The following EIF4EBP2 variants were observed in gnomAD, a reference collection of about 807,000 sequenced individuals.
EIF4EBP2 encodes the protein eukaryotic translation initiation factor 4E-binding protein 2.
A neutral mutation model predicts 10.3 loss-of-function variants in EIF4EBP2; 5 were observed. The ratio of observed to expected loss-of-function variants is 0.48; its 90% CI spans 0.25 to 1.02. The LOEUF is 1.02. Among genes scored for constraint, EIF4EBP2 ranks in the 50% least tolerant of loss-of-function variants. The probability of loss-of-function intolerance (pLI) is 0.15; values close to 1 mark genes in which losing one functional copy is unlikely to be tolerated. For synonymous variants in EIF4EBP2, 67 were observed against 61.1 expected (o/e 1.10, Z -0.45); for missense variants, 188 against 162.2 (o/e 1.16, Z -0.86).
intron 1 of EIF4EBP2, among the ~76,000 whole-genome samples, chr10:70,416,879 C>G (rs758590972): frequency 1.3e-5 from 2 of 151,944 alleles, no homozygotes; most frequent in Non-Finnish European, 2.9e-5. Flanking sequence ...GTTGCCCAGG[C>G]TGGTCTTGAA....
In EIF4EBP2 at chr10:70,404,302, G is replaced by T. The variant is rs929609623; in HGVS notation, c.-100G>T. The T allele has an allele frequency of 1.3e-4, 181 of 1,384,380 alleles. 1 individual carries two copies. Among genetic ancestry groups the T allele is most frequent in the Middle Eastern group, 2.6e-4 (1 of 3,844 alleles). 85.8% of individuals were successfully genotyped at this position (1,384,380 alleles called of 1,614,324 possible). On this transcript the variant is annotated 5_prime_UTR_variant, in exon 1 of 3. Transcript: ENST00000373218. The stretch of plus-strand genomic sequence containing the variant: ...ACGGGAGGAAGCGAGCGAGGAGCGC[G>T]CAGAGCGCGCTTTTCCGTCCGCCTG...
intron 1 of EIF4EBP2, among the ~76,000 whole-genome samples, chr10:70,408,245 C>T (rs551450084): frequency 6.2e-5 from 9 of 145,790 alleles, no homozygotes; most frequent in East Asian, 2.0e-4. Flanking sequence ...GGCGGCTGGC[C>T]GGGCACAGGG....
At chr10:70,413,244 A>G (rs1363836354) in intron 1 of EIF4EBP2, among the ~76,000 whole-genome samples, 1 of 152,074 alleles carries the variant, frequency 6.6e-6, no homozygotes, top group Non-Finnish European at 1.5e-5. Context: ...CAACCTGTCA[A>G]CTTTAGCTCT....
rs1478400331 is a variant in EIF4EBP2 at position 70,426,086 on chromosome 10, T to A, written c.*4339T>A. The A allele has an allele frequency of 6.6e-6, 1 of 152,252 alleles. No individual in the cohort carries two copies. Among genetic ancestry groups the A allele is most frequent in the Non-Finnish European group, 1.5e-5 (1 of 68,052 alleles). 9.4% of individuals were successfully genotyped at this position (152,252 alleles called of 1,614,324 possible). A position where few individuals can be genotyped will look rare whatever the true frequency, so the allele number is the denominator to read the frequency against. Reference sequence around the variant, plus strand: ...GCCCATTTCTTCCTGGGCTTCTTGATGGCAATGTGTTCTTAAATAACTGGT... The same window carrying A: ...GCCCATTTCTTCCTGGGCTTCTTGAAGGCAATGTGTTCTTAAATAACTGGT... On this transcript the variant is annotated 3_prime_UTR_variant, in exon 3 of 3. Transcript: ENST00000373218.
chr10:70,407,576 C>A (rs1244841682), intron 1 of EIF4EBP2, among the ~76,000 whole-genome samples: 1 of 152,152 alleles, frequency 6.6e-6, no homozygotes, highest in African/African-American at 2.4e-5. Flanking sequence ...TCCCCCCTTT[C>A]TATTCCACAA....
rs1845174271 is a variant in EIF4EBP2, at chr10:70,423,050, C to A, written c.*1303C>A. ...ATTTTTCAAATTTACATCAAAGATA[C>A]CTGAAGTGTTGGTATCTGAGAATAT... is the stretch of plus-strand genomic sequence containing the variant. On this transcript the variant is annotated 3_prime_UTR_variant, in exon 3 of 3. Transcript: ENST00000373218. 6.6e-6 allele frequency: 1 copy of A among 152,484 alleles called. No individual in the cohort carries two copies. The highest frequency in any genetic ancestry group is 2.4e-5 in the African/African-American group (1 of 41,400). 9.4% of individuals were successfully genotyped at this position (152,484 alleles called of 1,614,324 possible).
chr10:70,419,018 T>G (rs922209092), intron 1 of EIF4EBP2, among the ~76,000 whole-genome samples: 1 of 152,198 alleles, frequency 6.6e-6, no homozygotes, highest in Non-Finnish European at 1.5e-5. Flanking sequence ...GGTCTCACTA[T>G]GTGGCCCAGA....
At chr10:70,406,020 C>T (rs1234917639) in intron 1 of EIF4EBP2, among the ~76,000 whole-genome samples, 3 of 152,162 alleles carry the variant, frequency 2.0e-5, no homozygotes, top group Non-Finnish European at 2.9e-5. Context: ...CTCACTCTGT[C>T]GCCCAGGCTG....
intron 1 of EIF4EBP2, among the ~76,000 whole-genome samples, chr10:70,412,637 C>T (rs1356811352): frequency 2.0e-5 from 3 of 152,130 alleles, no homozygotes; most frequent in African/African-American, 7.2e-5. Context: ...GGGCTTTATT[C>T]ATTGACCTTC....
chr10:70,406,032 A>AG (rs1233875614), intron 1 of EIF4EBP2, among the ~76,000 whole-genome samples: 1 of 152,182 alleles, frequency 6.6e-6, no homozygotes, highest in African/African-American at 2.4e-5. Flanking sequence ...CCCAGGCTGG[A>AG]GTACAGTGGC....
At chr10:70,411,760 C>T (rs990701190) in intron 1 of EIF4EBP2, among the ~76,000 whole-genome samples, 6 of 152,162 alleles carry the variant, frequency 3.9e-5, no homozygotes, top group African/African-American at 1.4e-4. Context: ...CAGCCTATTT[C>T]TTAGTTTGGG....
In EIF4EBP2 at chr10:70,404,551, G is replaced by C. The variant is rs1020407422; in HGVS notation, c.145+5G>C. ...TCTTCTCCACCACACCGGGAGGTGA[G>C]CGCCGGCCAGCCGTCCGCCGCGCCC... On this transcript the variant is annotated splice_donor_5th_base_variant and intron_variant, in intron 1 of 2. Transcript: ENST00000373218. The C allele has an allele frequency of 1.9e-6, 3 of 1,554,118 alleles. No individual in the cohort carries two copies. Among genetic ancestry groups the C allele is most frequent in the African/African-American group, 2.9e-5 (2 of 70,046 alleles).
intron 1 of EIF4EBP2, among the ~76,000 whole-genome samples, chr10:70,408,316 G>A (rs1021409137): frequency 1.2e-4 from 18 of 152,134 alleles, no homozygotes; most frequent in Admixed American, 7.2e-4. Context: ...CGGACGGGGC[G>A]GCTTAGCCAG....
At position 70,422,754 on chromosome 10, in the gene EIF4EBP2, T is replaced by A. The variant is rs1278502835; in HGVS notation, c.*1007T>A. 6.6e-6 allele frequency: 1 copy of A among 152,246 alleles called. No homozygotes were observed. The highest frequency in any genetic ancestry group is 1.5e-5 in the Non-Finnish European group (1 of 68,052). 9.4% of individuals were successfully genotyped at this position (152,246 alleles called of 1,614,324 possible). On this transcript the variant is annotated 3_prime_UTR_variant, in exon 3 of 3. Transcript: ENST00000373218. ...AGTACCCGGTCTCAGTCGTCATTTT[T>A]AAGTCCAGTGAGCATTGTGGTAGTT...
intron 1 of EIF4EBP2, among the ~76,000 whole-genome samples, chr10:70,406,728 C>T (rs922467752): frequency 6.6e-6 from 1 of 151,158 alleles, no homozygotes; most frequent in African/African-American, 2.5e-5. Flanking sequence ...ACCCCTCCTC[C>T]TAACAACACT....
chr10:70,411,180 A>G (rs1163900581), intron 1 of EIF4EBP2, among the ~76,000 whole-genome samples: 2 of 152,184 alleles, frequency 1.3e-5, no homozygotes, highest in South Asian at 2.1e-4. Context: ...AACGTTTTTC[A>G]TCTTCCTAAA....
chr10:70,420,009 G>A lies in EIF4EBP2; in HGVS notation c.241G>A (p.Val81Ile), dbSNP rs1384162042. The part of the protein sequence containing the change: ...PPCHLPNIPG[V>I]TSPGTLIEDS... ...CTGCCACCTGCCCAATATCCCAGGA[G>A]TCACTAGCCCTGGCACCTTAATTGA... The change falls in exon 2 of 3, where the codon GTC (valine) becomes ATC (isoleucine). Residue 81 changes from valine to isoleucine, a missense_variant. Coordinates refer to ENST00000373218, the MANE Select transcript of EIF4EBP2 (RefSeq NM_004096.5). 1 of 1,613,422 alleles carries A rather than the reference G, an allele frequency of 6.2e-7. No homozygotes were observed. Among genetic ancestry groups the A allele is most frequent in the Non-Finnish European group, 8.5e-7 (1 of 1,179,764 alleles).
At chr10:70,418,304 CTA>C (rs1201962025) in intron 1 of EIF4EBP2, among the ~76,000 whole-genome samples, 1 of 152,330 alleles carries the variant, frequency 6.6e-6, no homozygotes, top group East Asian at 1.9e-4. Flanking sequence ...GCCTCCAGAA[CTA>C]TGAGACAATT....
intron 1 of EIF4EBP2, among the ~76,000 whole-genome samples, chr10:70,410,781 CT>C (rs1845036202): frequency 6.6e-6 from 1 of 152,226 alleles, no homozygotes; most frequent in Admixed American, 6.5e-5. Context: ...GAAGCACTTG[CT>C]GCTTGTTCAT....
Sources: allele counts gnomAD v4.1 joint callset (sites outside exome capture counted in the v4.1 genomes callset), GRCh38; gene constraint gnomAD v4.1.1; transcripts MANE v1.5; gene names NCBI Gene and HGNC (gene_info 2026-07-23, HGNC 2026-07-21).